ZNF385D: variants seen among roughly 807,000 people sequenced by gnomAD.
ZNF385D encodes the protein zinc finger protein 385D.
A neutral mutation model predicts 35.8 loss-of-function variants in ZNF385D; 15 were observed. That is an observed-to-expected ratio of 0.42 (90% CI 0.28 to 0.64). The LOEUF (loss-of-function observed/expected upper bound fraction) is 0.64, where lower values mean the gene tolerates loss of function less well. ZNF385D is among the 30% of genes least tolerant of loss of function. The pLI is 0.23. For missense variants in ZNF385D, 474 were observed against 494.6 expected (o/e 0.96, Z 0.39); for synonymous variants, 212 against 186.8 (o/e 1.13, Z -1.10).
At chr3:21,438,301 TATTG>T (rs574560520) in intron 4 of ZNF385D, among the ~76,000 whole-genome samples, 341 of 152,312 alleles carry the variant, frequency 2.2e-3, no homozygotes, top group Non-Finnish European at 3.3e-3. Context: ...CTACATCTGC[TATTG>T]AAGCTGTCTC....
intron 3 of ZNF385D, among the ~76,000 whole-genome samples, chr3:21,804,644 T>A (rs920159768): frequency 6.6e-6 from 1 of 152,194 alleles, no homozygotes; most frequent in Non-Finnish European, 1.5e-5. Context: ...GCTATTTACC[T>A]CTGGGCAATT....
chr3:21,699,802 G>C (rs1192180436), intron 1 of ZNF385D, among the ~76,000 whole-genome samples: 1 of 135,888 alleles, frequency 7.4e-6, no homozygotes, highest in Non-Finnish European at 1.6e-5. Context: ...TGCATTTGTG[G>C]TTCATGTTAT....
chr3:21,664,872 T>C lies in ZNF385D; in HGVS notation c.165+14A>G, dbSNP rs747980943. 4 of 1,613,344 alleles carry C rather than the reference T, an allele frequency of 2.5e-6. No homozygotes were observed. The highest frequency in any genetic ancestry group is 3.4e-6 in the Non-Finnish European group (4 of 1,179,576). ...CCTTCCACTCAGGCAAAGACAAATT[T>C]GGCAGGTACTTACCGCATTGAAATT... On this transcript the variant is annotated intron_variant, in intron 2 of 7. Coordinates refer to ENST00000281523, the MANE Select transcript of ZNF385D (RefSeq NM_024697.3).
At chr3:21,809,864 G>C (rs959361117) in intron 3 of ZNF385D, among the ~76,000 whole-genome samples, 1 of 151,862 alleles carries the variant, frequency 6.6e-6, no homozygotes, top group Admixed American at 6.6e-5. Flanking sequence ...AACCTGAATT[G>C]AGGTATAACT....
At chr3:21,548,043 C>G (rs1348041124) in intron 3 of ZNF385D, among the ~76,000 whole-genome samples, 1 of 152,080 alleles carries the variant, frequency 6.6e-6, no homozygotes, top group East Asian at 1.9e-4. Context: ...CCCTCCTCTT[C>G]CCGTGTGAAA....
chr3:21,808,517 G>A (rs2072757487), intron 3 of ZNF385D, among the ~76,000 whole-genome samples: 1 of 152,172 alleles, frequency 6.6e-6, no homozygotes, highest in Non-Finnish European at 1.5e-5. Context: ...GCAGAGACTG[G>A]GAAGAAAAAG....
chr3:22,332,487 G>A (rs1374293524), intron 2 of ZNF385D, among the ~76,000 whole-genome samples: 1 of 152,130 alleles, frequency 6.6e-6, no homozygotes, highest in Non-Finnish European at 1.5e-5. Context: ...TATGAATTAT[G>A]AGTAGAAAGT....
At chr3:21,848,008 T>C (rs1430060271) in intron 3 of ZNF385D, among the ~76,000 whole-genome samples, 1 of 152,006 alleles carries the variant, frequency 6.6e-6, no homozygotes, top group African/African-American at 2.4e-5. Context: ...CAGCCTCTGG[T>C]GACTAACATT....
intron 3 of ZNF385D, among the ~76,000 whole-genome samples, chr3:21,880,180 G>A (rs1698204217): frequency 6.6e-6 from 1 of 151,902 alleles, no homozygotes; most frequent in East Asian, 1.9e-4. Context: ...TACAAAAAAA[G>A]TGATCTAGAT....
chr3:21,966,229 T>C (rs1384942373), intron 3 of ZNF385D, among the ~76,000 whole-genome samples: 2 of 152,222 alleles, frequency 1.3e-5, no homozygotes, highest in African/African-American at 2.4e-5. Context: ...TGTTACAGGC[T>C]TGAATGAGCT....
chr3:21,752,884 G>T (rs2070169158), upstream of ZNF385D, among the ~76,000 whole-genome samples: 1 of 152,058 alleles, frequency 6.6e-6, no homozygotes, highest in African/African-American at 2.4e-5. Flanking sequence ...TCTTCCCTCA[G>T]GCAAAAGAAC....
intron 1 of ZNF385D, among the ~76,000 whole-genome samples, chr3:21,729,679 A>G (rs2068910085): frequency 1.3e-5 from 2 of 152,156 alleles, no homozygotes; most frequent in South Asian, 4.1e-4. Context: ...AGAAAATGAG[A>G]GGTTTAGAAA....
intron 3 of ZNF385D, among the ~76,000 whole-genome samples, chr3:22,112,822 A>G (rs1192841245): frequency 6.6e-6 from 1 of 151,352 alleles, no homozygotes; most frequent in Non-Finnish European, 1.5e-5. Context: ...CAGGGAATGA[A>G]CTGTCACCCT....
chr3:21,423,469 A>G (rs1700837904), intron 7 of ZNF385D, among the ~76,000 whole-genome samples: 1 of 152,190 alleles, frequency 6.6e-6, no homozygotes, highest in South Asian at 2.1e-4. Flanking sequence ...ATATTCATCT[A>G]CAATGTCAGG....
At chr3:22,121,677 T>A (rs1703095443) in intron 3 of ZNF385D, among the ~76,000 whole-genome samples, 1 of 151,820 alleles carries the variant, frequency 6.6e-6, no homozygotes, top group Admixed American at 6.6e-5. Context: ...TGTGATTTTT[T>A]TTTTTTTTTT....
intron 1 of ZNF385D, among the ~76,000 whole-genome samples, chr3:21,695,066 A>C (rs895061060): frequency 1.3e-5 from 2 of 152,150 alleles, no homozygotes; most frequent in East Asian, 3.9e-4. Flanking sequence ...ATTGAAGATG[A>C]GATATAAGGT....
At chr3:21,596,040 G>A (rs1347991102) in intron 2 of ZNF385D, among the ~76,000 whole-genome samples, 2 of 152,142 alleles carry the variant, frequency 1.3e-5, no homozygotes, top group Admixed American at 6.5e-5. Context: ...TATTTTTCAG[G>A]TGGTAAGAAC....
chr3:21,454,886 C>G (rs1052321827), intron 4 of ZNF385D, among the ~76,000 whole-genome samples: 78 of 152,292 alleles, frequency 5.1e-4, no homozygotes, highest in African/African-American at 1.9e-3. Flanking sequence ...GCAACTTCAG[C>G]AAAGTCTCAG....
rs529649473 is a variant in ZNF385D, at chr3:22,283,963, A to G, written c.106+88487T>C. Among the ~76,000 whole-genome samples the G allele has an allele frequency of 3.7e-3, 556 of 152,212 alleles. 4 individuals are homozygous for G. Among genetic ancestry groups the G allele is most frequent in the African/African-American group, 0.011 (472 of 41,546 alleles). On this transcript the variant is annotated intron_variant, in intron 2 of 5. Transcript: ENST00000494108. ...ATAATGGTTAAGTTCCCATAATGGG[A>G]TCTGGTGCCCCTTATTGATGCCTTT...
Sources: allele counts gnomAD v4.1 joint callset (sites outside exome capture counted in the v4.1 genomes callset), GRCh38; gene constraint gnomAD v4.1.1; transcripts MANE v1.5; gene names NCBI Gene and HGNC (gene_info 2026-07-23, HGNC 2026-07-21).